FBN3: variants seen among roughly 807,000 people sequenced by gnomAD.
The protein encoded by FBN3 is fibrillin 3.
A neutral mutation model predicts 330.1 loss-of-function variants in FBN3; 234 were observed. The observed-to-expected ratio is 0.71, with a 90% CI of 0.64 to 0.79. FBN3 has a LOEUF of 0.79. FBN3 is among the 30% of genes least tolerant of loss of function. The pLI is 0.00. For missense variants in FBN3, 3,606 were observed against 3,886.9 expected, an observed-to-expected ratio of 0.93 and a Z score of 1.92; for synonymous variants, 1,458 against 1,517.3, an observed-to-expected ratio of 0.96 and a Z score of 0.91.
At chr19:8,084,679 C>A (rs145905612) in intron 56 of FBN3, among the ~76,000 whole-genome samples, 10 of 150,722 alleles carry the variant, frequency 6.6e-5, no homozygotes, top group Admixed American at 3.3e-4. Flanking sequence ...CTCTGCCTCC[C>A]GGATTCAAGG....
intron 19 of FBN3, 53 bp from the exon 20 acceptor site, chr19:8,126,658 C>G: frequency 6.3e-7 from 1 of 1,595,682 alleles, no homozygotes. Flanking sequence ...ACACCTGCAC[C>G]CTGACCCATA....
intron 30 of FBN3, 64 bp from the exon 31 acceptor site, chr19:8,112,163 A>C: frequency 6.4e-7 from 1 of 1,561,856 alleles, no homozygotes; most frequent in Non-Finnish European, 8.7e-7. Flanking sequence ...ATGCAATAGC[A>C]GCGGAAAGGG....
At chr19:8,122,675 C>A (rs1242772418) in intron 24 of FBN3, among the ~76,000 whole-genome samples, 2 of 143,356 alleles carry the variant, frequency 1.4e-5, no homozygotes, top group African/African-American at 2.6e-5. Context: ...CCCAGCGCCC[C>A]CTTTTTTTTT....
chr19:8,143,634 C>T lies in FBN3; in HGVS notation c.541+1243G>A, dbSNP rs1281225436. Among the ~76,000 whole-genome samples, 7 of 151,430 alleles carry T rather than the reference C, an allele frequency of 4.6e-5. No homozygotes were observed. In the East Asian group the frequency reaches 9.7e-4, roughly 21 times the overall value. ...TTCCAAGTAGCTGGGACTACAGGCA[C>T]GCGCTACCACACCCAGTTACATTTT... On this transcript the variant is annotated intron_variant, in intron 6 of 63. Transcript: ENST00000600128.
intron 10 of FBN3, among the ~76,000 whole-genome samples, chr19:8,137,196 T>C (rs558969283): frequency 6.7e-6 from 1 of 149,824 alleles, no homozygotes; most frequent in Non-Finnish European, 1.5e-5. Flanking sequence ...GGGGTCTAGA[T>C]CCCTCCAACC....
Position 8,090,251 on chromosome 19 carries a change from T to G in FBN3, c.6032A>C (p.Asp2011Ala). ...GGTGAAGCAGAAACTCTGCCGTGTG[T>G]CTGTGGGGTGGGGGCTCCATTACCC... ...VLSDNGHRCF[D>A]TRQSFCFTRF... The change falls in exon 49 of 64, where the codon GAC becomes GCC. Residue 2011 changes from aspartate to alanine, a missense_variant and splice_region_variant. Coordinates refer to ENST00000600128, the MANE Select transcript of FBN3 (RefSeq NM_032447.5). The G allele has an allele frequency of 1.2e-6, 2 of 1,613,664 alleles. No homozygotes were observed. Among genetic ancestry groups the G allele is most frequent in the Non-Finnish European group, 1.7e-6 (2 of 1,179,932 alleles).
chr19:8,132,961 G>C, intron 14 of FBN3, 23 bp downstream of exon 14: 2 of 1,535,628 alleles, frequency 1.3e-6, no homozygotes, highest in Non-Finnish European at 1.7e-6. Context: ...CCCCTCCGCT[G>C]GCCAGTCTGG....
Position 8,131,171 on chromosome 19 carries a change from C to T in FBN3, c.2044+64G>A, listed in dbSNP as rs1253987858. The T allele has an allele frequency of 2.0e-6, 3 of 1,515,904 alleles. No homozygotes were observed. The highest frequency in any genetic ancestry group is 2.4e-5 in the South Asian group (2 of 83,442). The allele number at this position is 1,515,904 out of a possible 1,614,324, so 93.9% of individuals were successfully genotyped here. ...GGCCAACTCCTACAGCCTCCCACCA[C>T]AGCTCTCCCCACATCTGGTAGGGGC... On this transcript the variant is annotated intron_variant, in intron 16 of 63. Transcript: ENST00000600128. The surrounding 1 kb of genome is among the most constrained non-coding windows in gnomAD (Gnocchi z 4.5).
At chr19:8,083,435 C>T in intron 56 of FBN3, 63 bp from the exon 57 acceptor site, 1 of 1,584,874 alleles carries the variant, frequency 6.3e-7, no homozygotes, top group Non-Finnish European at 8.6e-7. Context: ...CGAGGAATGT[C>T]TCCTTCTCTC....
chr19:8,123,906 G>A lies in FBN3; in HGVS notation c.2834C>T (p.Ala945Val), dbSNP rs1233497122. The change falls in exon 23 of 64, where the codon GCC becomes GTC. Residue 945 changes from alanine (A) to valine (V), a missense_variant. Ala to Val is a moderately conservative substitution (Grantham distance 64). Transcript: ENST00000600128. The stretch of plus-strand genomic sequence containing the variant: ...GGCCTCGCACTCGACTCCCCACACG[G>A]CCCCGATGGAGCAGCAGCAGACGTC... ...RMDVCCCSIG[A>V]VWGVECEACP... The A allele has an allele frequency of 3.1e-6, 5 of 1,613,888 alleles. No individual in the cohort carries two copies. In the African/African-American group the frequency reaches 5.3e-5, roughly 17 times the overall value.
At chr19:8,125,115 C>T (rs1568430960) in intron 22 of FBN3, among the ~76,000 whole-genome samples, 1 of 152,110 alleles carries the variant, frequency 6.6e-6, no homozygotes, top group Non-Finnish European at 1.5e-5. Context: ...CTAATACTGT[C>T]CTCAAAGATA....
intron 10 of FBN3, 146 bp from the exon 11 acceptor site, chr19:8,136,677 G>C: frequency 9.1e-7 from 1 of 1,096,968 alleles, no homozygotes; most frequent in South Asian, 1.5e-5. Flanking sequence ...CTCATGGAGA[G>C]TCCTGCCTTA....
In FBN3 at chr19:8,142,093, A is replaced by C. The variant is rs1414265867; in HGVS notation, c.586T>G (p.Cys196Gly). 7.4e-6 allele frequency: 12 copies of C among 1,613,324 alleles called. No homozygotes were observed. The highest frequency in any genetic ancestry group is 1.0e-5 in the Non-Finnish European group (12 of 1,179,682). Residue 196 changes from cysteine (C) to glycine (G), a missense_variant, in exon 7 of 64, where the codon TGC (cysteine) becomes GGC (glycine). Physicochemically the swap from Cys to Gly is radical, Grantham distance 159 (BLOSUM62 -3). Transcript: ENST00000600128. ...PCFGQVGPEGCQHQLTGLVCT... is the reference protein window; with the variant it reads ...PCFGQVGPEGGQHQLTGLVCT... The stretch of plus-strand genomic sequence containing the variant: ...ACGAGGCCCGTCAGCTGATGCTGGC[A>C]CCCCTCGGGGCCTACTTGGCCAAAG...
In FBN3 at chr19:8,117,517, T is replaced by C; in HGVS notation, c.3410A>G (p.Gln1137Arg). The change falls in exon 27 of 64, where the codon CAG (glutamine) becomes CGG (arginine). Residue 1137 changes from glutamine to arginine, a missense_variant. Physicochemically the swap from Gln to Arg is conservative, Grantham distance 43. Coordinates refer to ENST00000600128, the MANE Select transcript of FBN3 (RefSeq NM_032447.5). ...CTGGAAGCCGGCATGGCAGGAGCAC[T>C]GGAAGGCACCGATGACATTGACACA... Reference protein sequence around the residue: ...GQCVNVIGAFQCSCHAGFQST... With the variant: ...GQCVNVIGAFRCSCHAGFQST... The C allele has an allele frequency of 6.4e-7, 1 of 1,559,074 alleles. No homozygotes were observed. Among genetic ancestry groups the C allele is most frequent in the Non-Finnish European group, 8.7e-7 (1 of 1,151,088 alleles).
At chr19:8,081,682 T>C (rs1398647834) in intron 57 of FBN3, among the ~76,000 whole-genome samples, 1 of 152,194 alleles carries the variant, frequency 6.6e-6, no homozygotes, top group African/African-American at 2.4e-5. Context: ...CTACTCCATG[T>C]GGCCTTTGTA....
chr19:8,100,674 C>T (rs949269696), intron 41 of FBN3, among the ~76,000 whole-genome samples: 8 of 152,070 alleles, frequency 5.3e-5, no homozygotes, highest in Non-Finnish European at 1.2e-4. Flanking sequence ...ATTTTACTAT[C>T]ATTTTAAAAA....
Position 8,094,523 on chromosome 19 carries a change from C to G in FBN3, c.5828G>C (p.Gly1943Ala), listed in dbSNP as rs771265527. 2.5e-6 allele frequency: 4 copies of G among 1,613,876 alleles called. No homozygotes were observed. Among genetic ancestry groups the G allele is most frequent in the Non-Finnish European group, 3.4e-6 (4 of 1,179,922 alleles). The change falls in exon 47 of 64, where the codon GGC becomes GCC. Residue 1943 changes from glycine to alanine, a missense_variant. By Grantham distance (60) the Gly-to-Ala change is moderately conservative. Transcript: ENST00000600128. ...CLSLAGTCLP[G>A]TCQNLEGSFR... The stretch of plus-strand genomic sequence containing the variant: ...GGAGCCCTCGAGGTTCTGGCAAGTG[C>G]CGGGTAGGCAGGTTCCTGCAAGGCT...
rs373000008 is a variant in FBN3, at chr19:8,129,070, G to T, written c.2254C>A (p.Pro752Thr). 18 of 1,613,620 alleles carry T rather than the reference G, an allele frequency of 1.1e-5. No homozygotes were observed. Among genetic ancestry groups the T allele is most frequent in the Non-Finnish European group, 1.4e-5 (17 of 1,179,986 alleles). ...NSPGSYSCSC[P>T]PGFHFWQDTE... ...TCCTGCCAGAAGTGGAAGCCGGGGG[G>T]GCAGGAGCAGCTGTAGCTGCCAGGG... The change falls in exon 18 of 64, where the codon CCC (proline) becomes ACC (threonine). Residue 752 changes from proline (P) to threonine (T), a missense_variant. By Grantham distance (38) the Pro-to-Thr change is conservative (BLOSUM62 -1). Coordinates refer to ENST00000600128, the MANE Select transcript of FBN3 (RefSeq NM_032447.5). The surrounding 1 kb of genome is among the most constrained non-coding windows in gnomAD (Gnocchi z 4.5).
At chr19:8,083,563 C>T (rs546790784) in intron 56 of FBN3, among the ~76,000 whole-genome samples, 191 bp from the exon 57 acceptor site, 1 of 152,194 alleles carries the variant, frequency 6.6e-6, no homozygotes, top group African/African-American at 2.4e-5. Flanking sequence ...CCGCAGGACA[C>T]GCCCATGAAG....
Sources: gnomAD v4.1 joint callset for allele counts (sites outside exome capture counted in the v4.1 genomes callset) on GRCh38, gnomAD v4.1.1 for gene constraint, Gnocchi (gnomAD v3.1) non-coding constraint, MANE v1.5 for transcripts, NCBI Gene and HGNC (gene_info 2026-07-23, HGNC 2026-07-21) for gene names.